SLC1A1: variants seen among roughly 807,000 people sequenced by gnomAD.
SLC1A1 encodes solute carrier family 1 member 1.
Under a neutral mutation model 53.3 loss-of-function variants are expected in SLC1A1, and 43 were observed. The observed-to-expected ratio is 0.81, with a 90% CI of 0.63 to 1.04. The LOEUF is 1.04. SLC1A1 is among the 50% of genes least tolerant of loss of function. The probability of loss-of-function intolerance (pLI) is 0.00; values close to 1 mark genes in which losing one functional copy is unlikely to be tolerated. For synonymous variants in SLC1A1, 307 were observed against 243.2 expected (o/e 1.26, Z -2.44); for missense variants, 748 against 664.9 (o/e 1.12, Z -1.37).
At chr9:4,568,310 C>T (rs1346498923) in intron 6 of SLC1A1, among the ~76,000 whole-genome samples, 4 of 151,466 alleles carry the variant, frequency 2.6e-5, no homozygotes, top group South Asian at 2.1e-4. Context: ...CCCAGCTACT[C>T]GGGAGGCTGA....
intron 9 of SLC1A1, 56 bp downstream of exon 9, chr9:4,576,179 C>T (rs769557217): frequency 6.6e-5 from 103 of 1,562,346 alleles, no homozygotes; most frequent in Non-Finnish European, 8.7e-5. Context: ...TATCAACTCT[C>T]ACCTCACTTT....
chr9:4,570,232 A>G (rs1243564058), intron 6 of SLC1A1, among the ~76,000 whole-genome samples: 1 of 152,186 alleles, frequency 6.6e-6, no homozygotes, highest in Admixed American at 6.5e-5. Flanking sequence ...TTATTGGCTC[A>G]TGCTTCTCAC....
intron 1 of SLC1A1, among the ~76,000 whole-genome samples, chr9:4,535,765 AAAAGAAC>A (rs1816651938): frequency 6.6e-6 from 1 of 152,126 alleles, no homozygotes; most frequent in Non-Finnish European, 1.5e-5. Context: ...ATCCTAAGCC[AAAAGAAC>A]AAAGCTGGAG....
intron 10 of SLC1A1, 62 bp from the exon 11 acceptor site, chr9:4,582,976 G>T: frequency 6.2e-7 from 1 of 1,609,000 alleles, no homozygotes; most frequent in Non-Finnish European, 8.5e-7. Flanking sequence ...AACCATTTCA[G>T]GCCAGGGCTT....
chr9:4,578,182 G>A (rs1820740084), intron 10 of SLC1A1, among the ~76,000 whole-genome samples: 1 of 152,142 alleles, frequency 6.6e-6, no homozygotes, highest in Non-Finnish European at 1.5e-5. Flanking sequence ...CAGGAACATG[G>A]GCTTAATAAT....
chr9:4,570,999 G>C (rs149415120), intron 6 of SLC1A1, among the ~76,000 whole-genome samples: 411 of 152,008 alleles, frequency 2.7e-3, no homozygotes, highest in African/African-American at 9.1e-3. Flanking sequence ...ACCAATGATA[G>C]ACTGGATAAA....
chr9:4,514,424 A>G (rs1653646002), intron 1 of SLC1A1, among the ~76,000 whole-genome samples: 1 of 152,184 alleles, frequency 6.6e-6, no homozygotes, highest in African/African-American at 2.4e-5. Flanking sequence ...ACATCTTAAG[A>G]TAACATTCAC....
chr9:4,565,927 G>T, intron 4 of SLC1A1, 120 bp from the exon 5 acceptor site: 1 of 816,134 alleles, frequency 1.2e-6, no homozygotes, highest in Non-Finnish European at 2.2e-6. Flanking sequence ...ACGCAAAGCA[G>T]GGGCCAGAAG....
Position 4,576,636 on chromosome 9 carries a change from C to G in SLC1A1, c.1066C>G (p.Arg356Gly). The G allele has an allele frequency of 6.2e-7, 1 of 1,614,118 alleles. No homozygotes were observed. ...TAACCAGGTGGACAAGAGGATCACT[C>G]GATTCGTGTTACCCGTTGGTGCAAC... is the stretch of plus-strand genomic sequence containing the variant. ...ENNQVDKRITRFVLPVGATIN... is the reference protein window; with the variant it reads ...ENNQVDKRITGFVLPVGATIN... Residue 356 changes from arginine to glycine, a missense_variant, in exon 10 of 12, where the codon CGA becomes GGA. Coordinates refer to ENST00000262352, the MANE Select transcript of SLC1A1 (RefSeq NM_004170.6).
In SLC1A1 at chr9:4,502,823, TCTC is replaced by T. The variant is rs137914707; in HGVS notation, c.91+12059_91+12061del. Among the ~76,000 whole-genome samples, 107 of 151,900 alleles carry T rather than the reference TCTC, an allele frequency of 7.0e-4. No individual in the cohort carries two copies. The East Asian group carries it at 0.02, about 28-fold the overall frequency. On this transcript the variant is annotated intron_variant, in intron 1 of 11. Transcript: ENST00000262352. The stretch of plus-strand genomic sequence containing the variant: ...TGCAAAGTGGCCAAATAAAGCCTAT[TCTC>T]CTCCTTCTTGCTTCATCCTTTCTCA...
chr9:4,520,244 G>C (rs1411126293), intron 1 of SLC1A1, among the ~76,000 whole-genome samples: 1 of 152,118 alleles, frequency 6.6e-6, no homozygotes, highest in South Asian at 2.1e-4. Context: ...GTGGAAGTTT[G>C]AGCAAAATGT....
intron 9 of SLC1A1, 116 bp from the exon 10 acceptor site, chr9:4,576,453 G>C (rs1003041631): frequency 1.2e-6 from 1 of 864,666 alleles, no homozygotes; most frequent in South Asian, 1.4e-5. Context: ...TACTTTTCTC[G>C]ACAAGATTAC....
At chr9:4,514,764 C>G (rs1003992991) in intron 1 of SLC1A1, among the ~76,000 whole-genome samples, 2 of 152,104 alleles carry the variant, frequency 1.3e-5, no homozygotes, top group African/African-American at 2.4e-5. Context: ...GGAAAGATAG[C>G]TCTGACTTAG....
intron 6 of SLC1A1, among the ~76,000 whole-genome samples, chr9:4,568,157 T>C (rs1392837017): frequency 6.6e-6 from 1 of 152,134 alleles, no homozygotes; most frequent in Non-Finnish European, 1.5e-5. Context: ...CAGTGACTCA[T>C]GTCTGTAATC....
At position 4,561,492 on chromosome 9, in the gene SLC1A1, G is replaced by A. The variant is rs748548883; in HGVS notation, c.276G>A (p.Leu92=). 9.3e-6 allele frequency: 15 copies of A among 1,611,006 alleles called. No homozygotes were observed. Among genetic ancestry groups the A allele is most frequent in the African/African-American group, 1.3e-5 (1 of 74,842 alleles). Residue 92 remains leucine (L), a synonymous_variant, in exon 3 of 12, where the codon CTG becomes CTA. Transcript: ENST00000262352. ...CCAACGTATCCGGAAAAATTGGTCT[G>A]CGCGCTGTCGTGTATTATTTCTGTA... ...LDSNVSGKIG[L]RAVVYYFCTT... is the part of the protein sequence containing the mutation.
chr9:4,503,160 C>G (rs1250510843), intron 1 of SLC1A1, among the ~76,000 whole-genome samples: 1 of 151,808 alleles, frequency 6.6e-6, no homozygotes, highest in Non-Finnish European at 1.5e-5. Flanking sequence ...CACCACCATT[C>G]CCACGTCTGT....
chr9:4,583,297 T>C lies in SLC1A1; in HGVS notation c.1328+125T>C, dbSNP rs1053754067. 19 of 1,244,668 alleles carry C rather than the reference T, an allele frequency of 1.5e-5. No homozygotes were observed. The highest frequency in any genetic ancestry group is 2.9e-5 in the African/African-American group (2 of 68,138). 77.1% of individuals were successfully genotyped at this position (1,244,668 alleles called of 1,614,324 possible). On this transcript the variant is annotated intron_variant, in intron 11 of 11. Coordinates refer to ENST00000262352, the MANE Select transcript of SLC1A1 (RefSeq NM_004170.6). The surrounding 1 kb of genome is among the most constrained non-coding windows in gnomAD (Gnocchi z 4.6). ...AATGAGCCACCTGTTGCTGCTTTAA[T>C]TTTCCTCTGACCAGGCCATCTGATA...
chr9:4,502,110 G>A (rs890656747), intron 1 of SLC1A1, among the ~76,000 whole-genome samples: 1 of 151,532 alleles, frequency 6.6e-6, no homozygotes, highest in South Asian at 2.1e-4. Flanking sequence ...TTATGGGCCA[G>A]GCACAGTGGC....
At chr9:4,526,975 T>G (rs543889992) in intron 1 of SLC1A1, among the ~76,000 whole-genome samples, 26 of 152,172 alleles carry the variant, frequency 1.7e-4, no homozygotes, top group Non-Finnish European at 3.7e-4. Flanking sequence ...CCTAATCAGT[T>G]GATTTTGAGT....
Sources: allele counts gnomAD v4.1 joint callset (sites outside exome capture counted in the v4.1 genomes callset), GRCh38; gene constraint gnomAD v4.1.1; non-coding constraint Gnocchi (gnomAD v3.1); transcripts MANE v1.5; gene names NCBI Gene and HGNC (gene_info 2026-07-23, HGNC 2026-07-21).